PCDHA5: variants seen among roughly 807,000 people sequenced by gnomAD.
PCDHA5 encodes the protein protocadherin alpha 5.
PCDHA5 carries 43 observed loss-of-function variants against 61.6 expected under a neutral mutation model. That is an observed-to-expected ratio of 0.70 (90% confidence interval 0.55 to 0.90). The LOEUF is 0.90. PCDHA5 is among the 40% of genes least tolerant of loss of function. PCDHA5 has a pLI of 0.00. For synonymous variants in PCDHA5, 627 were observed against 543.9 expected, an observed-to-expected ratio of 1.15 and a Z score of -2.13; for missense variants, 1,298 against 1,222.7, an observed-to-expected ratio of 1.06 and a Z score of -0.92.
At chr5:140,834,968 A>AT (rs1347218738) in intron 1 of PCDHA5, 9 of 1,508,864 alleles carry the variant, frequency 6.0e-6, no homozygotes, top group Non-Finnish European at 8.1e-6. Flanking sequence ...TTGGACTTGT[A>AT]TTACGGAAAC....
intron 1 of PCDHA5, chr5:140,870,137 A>C (rs1554163840): frequency 6.2e-7 from 1 of 1,613,940 alleles, no homozygotes; most frequent in Non-Finnish European, 8.5e-7. Flanking sequence ...ACCAACGATA[A>C]CTCTCCTGAA....
intron 3 of PCDHA5, among the ~76,000 whole-genome samples, chr5:141,004,079 A>G (rs1192943756): frequency 1.3e-5 from 2 of 152,210 alleles, no homozygotes; most frequent in Non-Finnish European, 2.9e-5. Context: ...TTAGGGGTAG[A>G]AATGTGCTTC....
At chr5:140,868,091 GATA>G (rs1310708872) in intron 1 of PCDHA5, 1 of 151,974 alleles carries the variant, frequency 6.6e-6, no homozygotes, top group Non-Finnish European at 1.5e-5. Context: ...TTTATAAAAT[GATA>G]ATAAAATTTA....
chr5:140,823,389 C>A lies in PCDHA5; in HGVS notation c.1614C>A (p.Asp538Glu), dbSNP rs199642773. 1.6e-5 allele frequency: 25 copies of A among 1,612,876 alleles called. No individual in the cohort carries two copies. The highest frequency in any genetic ancestry group is 1.7e-4 in the Middle Eastern group (1 of 5,730). Residue 538 changes from aspartate to glutamate, a missense_variant, in exon 1 of 4, where the codon GAC (aspartate) becomes GAA (glutamate). Asp to Glu is a conservative substitution (Grantham distance 45, BLOSUM62 2). Coordinates refer to ENST00000529859, the MANE Select transcript of PCDHA5 (RefSeq NM_018908.3). ...TGCAGTTCCAGGTGAGCGCGCGCGACGCGGGCGTGCCGCCTCTGGGCAGCA... is the reference window on the plus strand; with the variant it reads ...TGCAGTTCCAGGTGAGCGCGCGCGAAGCGGGCGTGCCGCCTCTGGGCAGCA... ...ELLQFQVSARDAGVPPLGSNV... is the reference protein window; with the variant it reads ...ELLQFQVSAREAGVPPLGSNV...
chr5:140,882,942 C>T (rs2059373370), intron 1 of PCDHA5: 1 of 1,614,224 alleles, frequency 6.2e-7, no homozygotes. Flanking sequence ...CTGACTGGCA[C>T]AGTTCAGCTG....
At chr5:140,863,236 G>A (rs782784210) in intron 1 of PCDHA5, 6 of 1,282,274 alleles carry the variant, frequency 4.7e-6, no homozygotes, top group Non-Finnish European at 4.4e-6. Context: ...CCCATCGCGG[G>A]CTTTGGCGGG....
At chr5:140,828,468 T>C in intron 1 of PCDHA5, 1 of 1,614,148 alleles carries the variant, frequency 6.2e-7, no homozygotes, top group Non-Finnish European at 8.5e-7. Flanking sequence ...GTGAGGGACA[T>C]TAACGACAAC....
intron 1 of PCDHA5, among the ~76,000 whole-genome samples, chr5:140,932,061 T>G (rs1009983968): frequency 5.3e-5 from 8 of 152,046 alleles, no homozygotes; most frequent in African/African-American, 1.9e-4. Flanking sequence ...TACTAAAAAT[T>G]ATCAGTTTAA....
intron 1 of PCDHA5, chr5:140,875,764 C>A (rs782377276): frequency 6.2e-7 from 1 of 1,614,196 alleles, no homozygotes; most frequent in Non-Finnish European, 8.5e-7. Flanking sequence ...GCTGTGCGGG[C>A]GGAGCGCGGA....
intron 1 of PCDHA5, among the ~76,000 whole-genome samples, chr5:140,954,197 G>T (rs2153701837): frequency 6.6e-6 from 1 of 152,270 alleles, no homozygotes; most frequent in Non-Finnish European, 1.5e-5. Context: ...ATGGGCATTT[G>T]GGTTGATCCC....
rs141558342 is a variant in PCDHA5 at position 140,862,206 on chromosome 5, T to G, written c.2352+38079T>G. The G allele has an allele frequency of 1.6e-3, 319 of 195,694 alleles. 1 individual carries two copies. The highest frequency in any genetic ancestry group is 7.0e-3 in the African/African-American group (300 of 43,022). 12.1% of individuals were successfully genotyped at this position (195,694 alleles called of 1,614,324 possible). A position where few individuals can be genotyped will look rare whatever the true frequency, so the allele number is the denominator to read the frequency against. On this transcript the variant is annotated intron_variant, in intron 1 of 3. Transcript: ENST00000529859. ...AGGCAATTCCCCAATGTTTGATCAC[T>G]GCACAGACTTGATAGAAGTCTTGGA...
chr5:140,963,109 T>G (rs1490746394), intron 1 of PCDHA5, among the ~76,000 whole-genome samples: 1 of 152,128 alleles, frequency 6.6e-6, no homozygotes, highest in Non-Finnish European at 1.5e-5. Context: ...TCAGGTTGCT[T>G]ATAATTAAAG....
chr5:140,827,789 G>A (rs1378424997), intron 1 of PCDHA5, among the ~76,000 whole-genome samples: 1 of 152,206 alleles, frequency 6.6e-6, no homozygotes, highest in African/African-American at 2.4e-5. Flanking sequence ...AACACTGACC[G>A]TGCAAATTAC....
chr5:140,846,294 A>G (rs2150386529), intron 1 of PCDHA5, among the ~76,000 whole-genome samples: 1 of 149,296 alleles, frequency 6.7e-6, no homozygotes, highest in Non-Finnish European at 1.5e-5. Flanking sequence ...AGTTCTATGA[A>G]TTAAGTAAAC....
chr5:140,843,613 A>G, intron 1 of PCDHA5: 1 of 1,596,056 alleles, frequency 6.3e-7, no homozygotes, highest in Non-Finnish European at 8.6e-7. Context: ...GTGAGGGGCC[A>G]CCGAAGACGG....
At position 140,823,955 on chromosome 5, in the gene PCDHA5, C is replaced by A. The variant is rs2150130710; in HGVS notation, c.2180C>A (p.Thr727Asn). The change falls in exon 1 of 4, where the codon ACC (threonine) becomes AAC (asparagine). Residue 727 changes from threonine to asparagine, a missense_variant. By Grantham distance (65) the Thr-to-Asn change is moderately conservative. Coordinates refer to ENST00000529859, the MANE Select transcript of PCDHA5 (RefSeq NM_018908.3). ...YTALRCSAQPTEAVCTRGKPT... is the reference protein window; with the variant it reads ...YTALRCSAQPNEAVCTRGKPT... The stretch of plus-strand genomic sequence containing the variant: ...GCGCTGCGGTGCTCGGCGCAGCCCA[C>A]CGAGGCCGTGTGCACACGGGGCAAG... The A allele has an allele frequency of 6.2e-7, 1 of 1,614,042 alleles. No homozygotes were observed. Among genetic ancestry groups the A allele is most frequent in the Non-Finnish European group, 8.5e-7 (1 of 1,180,014 alleles).
At chr5:140,996,929 C>T (rs1437008519) in intron 3 of PCDHA5, among the ~76,000 whole-genome samples, 2 of 152,070 alleles carry the variant, frequency 1.3e-5, no homozygotes, top group African/African-American at 2.4e-5. Flanking sequence ...AAAAATATAG[C>T]ATTTTTGCAT....
At chr5:140,841,918 C>T in intron 1 of PCDHA5, 4 of 1,613,844 alleles carry the variant, frequency 2.5e-6, no homozygotes, top group Non-Finnish European at 3.4e-6. Flanking sequence ...TAAGAAAATC[C>T]TTGGACAGAG....
intron 1 of PCDHA5, among the ~76,000 whole-genome samples, chr5:140,887,453 T>C (rs2061454477): frequency 6.6e-6 from 1 of 152,178 alleles, no homozygotes; most frequent in Non-Finnish European, 1.5e-5. Flanking sequence ...TGACAGTTTT[T>C]TAAAAGATAT....
Sources: gnomAD v4.1 joint callset for allele counts (sites outside exome capture counted in the v4.1 genomes callset) on GRCh38, gnomAD v4.1.1 for gene constraint, MANE v1.5 for transcripts, NCBI Gene and HGNC (gene_info 2026-07-23, HGNC 2026-07-21) for gene names.